The following SMARCA2 variants were observed in gnomAD, a reference collection of about 807,000 sequenced individuals.
SMARCA2 encodes the protein SWI/SNF related BAF chromatin remodeling complex subunit ATPase 2.
In SMARCA2, 61 loss-of-function variants were observed where a neutral mutation model predicts 199.8. The ratio of observed to expected loss-of-function variants is 0.31; its 90% CI spans 0.25 to 0.38. The LOEUF (loss-of-function observed/expected upper bound fraction) is 0.38. SMARCA2 is among the 10% of genes least tolerant of loss of function. SMARCA2 has a pLI of 1.00. For missense variants in SMARCA2, 1,344 were observed against 2,012.2 expected (o/e 0.67, Z 6.35); for synonymous variants, 935 against 732.0 (o/e 1.28, Z -4.48).
intron 11 of SMARCA2, 106 bp downstream of exon 11, chr9:2,073,448 A>C: frequency 6.6e-7 from 1 of 1,507,642 alleles, no homozygotes; most frequent in Non-Finnish European, 9.1e-7. Context: ...GAGATGGTTG[A>C]AGTTGTTACT....
At chr9:2,180,997 G>C (rs978418264) in intron 29 of SMARCA2, among the ~76,000 whole-genome samples, 1 of 152,096 alleles carries the variant, frequency 6.6e-6, no homozygotes, top group Admixed American at 6.6e-5. Context: ...ATAAAGGTAT[G>C]TGTGGTTTAC....
At chr9:2,084,349 G>A (rs1000612105) in intron 17 of SMARCA2, among the ~76,000 whole-genome samples, 153 bp downstream of exon 17, 3 of 149,448 alleles carry the variant, frequency 2.0e-5, no homozygotes, top group South Asian at 2.1e-4. Context: ...TGTTTTGGTC[G>A]TGGATTTGAT....
chr9:2,182,296 C>T, intron 31 of SMARCA2, 54 bp downstream of exon 31: 1 of 1,041,084 alleles, frequency 9.6e-7, no homozygotes, highest in South Asian at 1.3e-5. Flanking sequence ...GCCCGTTGTT[C>T]TTTTTAAGTA....
intron 28 of SMARCA2, among the ~76,000 whole-genome samples, chr9:2,168,681 A>C (rs150771938): frequency 1.3e-3 from 201 of 152,346 alleles, no homozygotes; most frequent in African/African-American, 4.7e-3. Context: ...AAGTTTTCGT[A>C]ACAAACATTT....
At chr9:2,024,709 A>T (rs1164448322) in intron 1 of SMARCA2, among the ~76,000 whole-genome samples, 1 of 152,060 alleles carries the variant, frequency 6.6e-6, no homozygotes, top group Non-Finnish European at 1.5e-5. Flanking sequence ...ACTCTGGTGG[A>T]AACATGGCTT....
intron 1 of SMARCA2, among the ~76,000 whole-genome samples, chr9:2,021,299 T>TA (rs896499500): frequency 6.6e-5 from 10 of 151,780 alleles, no homozygotes; most frequent in South Asian, 4.2e-4. Context: ...CTCCCTCCTT[T>TA]AAAAAAAACA....
rs1818434991 is a variant in SMARCA2, at chr9:2,017,956, T to C, written c.-37+2552T>C. ...CTCCGATCGATTGCGTGGAAAACTT[T>C]CCAGCGGGAGGCACCATGAGGGGGA... On this transcript the variant is annotated intron_variant, in intron 1 of 33. Transcript: ENST00000349721. This position sits in a 1 kb window ranked among gnomAD's most constrained non-coding sequence, Gnocchi z 8.8. 1 of 152,250 alleles carries C rather than the reference T, an allele frequency of 6.6e-6. No homozygotes were observed. Among genetic ancestry groups the C allele is most frequent in the South Asian group, 2.1e-4 (1 of 4,832 alleles). The allele number at this position is 152,250 out of a possible 1,614,324, so 9.4% of individuals were successfully genotyped here.
chr9:2,180,562 C>G (rs1454258938), intron 29 of SMARCA2, among the ~76,000 whole-genome samples: 1 of 152,154 alleles, frequency 6.6e-6, no homozygotes, highest in Non-Finnish European at 1.5e-5. Context: ...TTTGATATTT[C>G]TGGCTTCACA....
At chr9:2,182,327 C>A (rs1369642248) in intron 31 of SMARCA2, 85 bp downstream of exon 31, 3 of 812,052 alleles carry the variant, frequency 3.7e-6, no homozygotes, top group Non-Finnish European at 6.2e-6. Context: ...TTTTCTACCT[C>A]TTGAATCATT....
intron 31 of SMARCA2, among the ~76,000 whole-genome samples, chr9:2,185,255 C>T (rs375045815): frequency 1.9e-4 from 29 of 152,316 alleles, no homozygotes; most frequent in Non-Finnish European, 3.1e-4. Context: ...TTAGATACTT[C>T]GTATGAGTAG....
chr9:2,072,909 C>T (rs757183280), intron 10 of SMARCA2, among the ~76,000 whole-genome samples: 3 of 152,210 alleles, frequency 2.0e-5, no homozygotes, highest in South Asian at 2.1e-4. Flanking sequence ...TGCCCTGCAC[C>T]GGTGCACCTG....
chr9:2,083,956 T>C, intron 16 of SMARCA2, 130 bp from the exon 17 acceptor site: 1 of 576,792 alleles, frequency 1.7e-6, no homozygotes, highest in Non-Finnish European at 3.1e-6. Context: ...GTATAATAGA[T>C]CAGTCTATGA....
In SMARCA2 at chr9:2,149,576, T is replaced by C. The variant is rs543474017; in HGVS notation, c.3982-12110T>C. ...AAACTATCAAATCTTGTAAGATTTATTCACTACCATGAGAACAGTGTGAGG... is the reference window on the plus strand; with the variant it reads ...AAACTATCAAATCTTGTAAGATTTACTCACTACCATGAGAACAGTGTGAGG... On this transcript the variant is annotated intron_variant, in intron 27 of 33. Transcript: ENST00000349721. 3.5e-4 allele frequency among the ~76,000 whole-genome samples: 53 copies of C among 151,474 alleles called. 1 individual carries two copies. Among genetic ancestry groups the C allele is most frequent in the Non-Finnish European group, 5.5e-4 (37 of 67,720 alleles).
intron 4 of SMARCA2, chr9:2,040,489 G>C (rs1355345522): frequency 6.5e-6 from 1 of 153,606 alleles, no homozygotes; most frequent in African/African-American, 2.4e-5. Context: ...AAGATGACTT[G>C]AGTTTCTTGA....
At chr9:2,015,775 G>A (rs985643988) in intron 1 of SMARCA2, among the ~76,000 whole-genome samples, 9 of 152,212 alleles carry the variant, frequency 5.9e-5, no homozygotes, top group South Asian at 2.1e-4. Context: ...GATCCTGAGT[G>A]GGCAGTCAGA....
intron 19 of SMARCA2, 103 bp from the exon 20 acceptor site, chr9:2,096,554 A>G (rs899570944): frequency 1.1e-5 from 8 of 732,576 alleles, no homozygotes; most frequent in Non-Finnish European, 2.0e-5. Flanking sequence ...AGAGAAAGAG[A>G]GACACCTTTG....
intron 29 of SMARCA2, among the ~76,000 whole-genome samples, chr9:2,180,128 G>C (rs924672875): frequency 2.6e-5 from 4 of 152,078 alleles, no homozygotes; most frequent in African/African-American, 9.7e-5. Flanking sequence ...AGAACACCTT[G>C]GTTCTTGCTG....
At chr9:2,191,151 T>C in intron 32 of SMARCA2, 115 bp from the exon 33 acceptor site, 1 of 1,015,632 alleles carries the variant, frequency 9.8e-7, no homozygotes, top group Non-Finnish European at 1.5e-6. Flanking sequence ...ACCGGGAATG[T>C]TCTGGGCACT....
At chr9:2,057,342 T>C (rs1820399623) in intron 7 of SMARCA2, among the ~76,000 whole-genome samples, 1 of 152,238 alleles carries the variant, frequency 6.6e-6, no homozygotes. Flanking sequence ...TCGTAAGGGC[T>C]CTACCCTCAT....
Sources: gnomAD v4.1 joint callset for allele counts (sites outside exome capture counted in the v4.1 genomes callset) on GRCh38, gnomAD v4.1.1 for gene constraint, Gnocchi (gnomAD v3.1) non-coding constraint, MANE v1.5 for transcripts, NCBI Gene and HGNC (gene_info 2026-07-23, HGNC 2026-07-21) for gene names.